The following CRB1 variants were observed in gnomAD, a reference collection of about 807,000 sequenced individuals.
CRB1 encodes crumbs cell polarity complex component 1, also known as protein crumbs homolog 1.
In CRB1, 83 loss-of-function variants were observed where a neutral mutation model predicts 120.0. That is an observed-to-expected ratio of 0.69 (90% CI 0.58 to 0.83). The LOEUF (loss-of-function observed/expected upper bound fraction) is 0.83. CRB1 is among the 40% of genes least tolerant of loss of function. The probability of loss-of-function intolerance (pLI) is 0.00; values close to 1 mark genes in which losing one functional copy is unlikely to be tolerated. For synonymous variants in CRB1, 625 were observed against 612.5 expected (o/e 1.02, Z -0.30); for missense variants, 1,699 against 1,687.6 (o/e 1.01, Z -0.12).
intron 2 of CRB1, among the ~76,000 whole-genome samples, chr1:197,335,700 A>G (rs1276934897): frequency 1.3e-5 from 2 of 152,164 alleles, no homozygotes; most frequent in East Asian, 1.9e-4. Context: ...GCATTTCACC[A>G]TGTTAGCCAG....
At chr1:197,379,386 GC>G (rs1182899056) in intron 5 of CRB1, among the ~76,000 whole-genome samples, 2 of 151,358 alleles carry the variant, frequency 1.3e-5, no homozygotes, top group African/African-American at 4.9e-5. Flanking sequence ...TGCAAGCTTT[GC>G]CTCCTGAGTT....
intron 2 of CRB1, among the ~76,000 whole-genome samples, chr1:197,331,167 A>AG (rs2125308397): frequency 6.6e-6 from 1 of 152,252 alleles, no homozygotes; most frequent in East Asian, 1.9e-4. Context: ...CAAAAAAAAA[A>AG]AGAGGAGCCC....
intron 1 of CRB1, among the ~76,000 whole-genome samples, chr1:197,299,027 T>C (rs576110818): frequency 6.6e-6 from 1 of 152,148 alleles, no homozygotes; most frequent in East Asian, 1.9e-4. Flanking sequence ...AAATTAACTA[T>C]AATAGTCAAA....
At chr1:197,296,451 A>G (rs1656525479) in intron 1 of CRB1, among the ~76,000 whole-genome samples, 1 of 152,092 alleles carries the variant, frequency 6.6e-6, no homozygotes, top group African/African-American at 2.4e-5. Context: ...ATCCAACTAG[A>G]TCACTGAATT....
chr1:197,389,124 G>A (rs1662363582), intron 5 of CRB1, among the ~76,000 whole-genome samples: 1 of 152,088 alleles, frequency 6.6e-6, no homozygotes, highest in Non-Finnish European at 1.5e-5. Flanking sequence ...AGGTATCATG[G>A]TGAAATGCTG....
At chr1:197,474,604 G>A (rs1040742582) in intron 11 of CRB1, among the ~76,000 whole-genome samples, 11 of 152,096 alleles carry the variant, frequency 7.2e-5, no homozygotes, top group African/African-American at 2.7e-4. Context: ...TTGCAGCATA[G>A]CAGATGAGAG....
chr1:197,228,273 T>C, the CRB1 span, among the ~76,000 whole-genome samples: 1 of 152,246 alleles, frequency 6.6e-6, no homozygotes, highest in Non-Finnish European at 1.5e-5. Context: ...ATCGTCAGGC[T>C]GCAAATTTTC....
At chr1:197,329,227 C>T (rs956719103) in intron 2 of CRB1, among the ~76,000 whole-genome samples, 2 of 152,150 alleles carry the variant, frequency 1.3e-5, no homozygotes, top group African/African-American at 4.8e-5. Flanking sequence ...AAATGGAGCT[C>T]TACATGATTT....
At chr1:197,327,427 C>T (rs1658580612) in intron 1 of CRB1, among the ~76,000 whole-genome samples, 1 of 152,164 alleles carries the variant, frequency 6.6e-6, no homozygotes, top group Admixed American at 6.5e-5. Context: ...GCACCTTGCA[C>T]TGTTTCATTG....
intron 5 of CRB1, among the ~76,000 whole-genome samples, chr1:197,401,085 A>G (rs767837887): frequency 6.6e-6 from 1 of 152,060 alleles, no homozygotes; most frequent in South Asian, 2.1e-4. Flanking sequence ...TTGTAATACA[A>G]TTTTTGAGTC....
At chr1:197,214,081 C>T in the CRB1 span, among the ~76,000 whole-genome samples, 9 of 151,538 alleles carry the variant, frequency 5.9e-5, no homozygotes, top group African/African-American at 1.5e-4. Flanking sequence ...AAAAAATCAA[C>T]GAAACTAAAA....
At chr1:197,357,284 C>A in intron 5 of CRB1, 1 of 499,380 alleles carries the variant, frequency 2.0e-6, no homozygotes, top group Non-Finnish European at 3.6e-6. Flanking sequence ...ATCTCAAGTT[C>A]TTTACGTTAC....
chr1:197,462,116 T>C (rs79963913), intron 11 of CRB1, among the ~76,000 whole-genome samples: 1,780 of 152,294 alleles, frequency 0.012, 17 homozygotes, highest in Middle Eastern at 0.027. Context: ...TATACACATG[T>C]AATGTTGTCG....
At chr1:197,228,854 G>A in the CRB1 span, among the ~76,000 whole-genome samples, 1 of 152,204 alleles carries the variant, frequency 6.6e-6, no homozygotes. Context: ...ATCATGGCGA[G>A]AAGTGAAAGG....
chr1:197,438,279 C>T (rs1011679982), intron 9 of CRB1, among the ~76,000 whole-genome samples: 3 of 152,110 alleles, frequency 2.0e-5, no homozygotes, highest in Non-Finnish European at 4.4e-5. Context: ...AATTTATTGC[C>T]ACCCCATGGC....
intron 6 of CRB1, among the ~76,000 whole-genome samples, chr1:197,425,014 A>C (rs920125343): frequency 2.0e-5 from 3 of 149,998 alleles, no homozygotes; most frequent in Admixed American, 6.6e-5. Flanking sequence ...GGCTTCTGAG[A>C]AAAAAAAATA....
intron 2 of CRB1, among the ~76,000 whole-genome samples, chr1:197,339,756 G>T (rs1659350279): frequency 6.6e-6 from 1 of 152,112 alleles, no homozygotes; most frequent in South Asian, 2.1e-4. Flanking sequence ...GATGCCAATT[G>T]GAGTGCAAAG....
intron 4 of CRB1, 53 bp downstream of exon 4, chr1:197,347,532 A>T: frequency 6.5e-7 from 1 of 1,537,770 alleles, no homozygotes; most frequent in Non-Finnish European, 9.0e-7. Flanking sequence ...TAGAATACAC[A>T]TATCGCTTAT....
chr1:197,370,238 A>G (rs569494493), intron 5 of CRB1, among the ~76,000 whole-genome samples: 2 of 96,912 alleles, frequency 2.1e-5, no homozygotes, highest in East Asian at 4.5e-4. Context: ...CAATAACACA[A>G]TGAAAAAAAA....
Sources: allele counts gnomAD v4.1 joint callset (sites outside exome capture counted in the v4.1 genomes callset), GRCh38; gene constraint gnomAD v4.1.1; transcripts MANE v1.5; gene names NCBI Gene and HGNC (gene_info 2026-07-23, HGNC 2026-07-21).